Variants in GRIK3 observed in about 807,000 individuals in gnomAD.
The protein encoded by GRIK3 is glutamate receptor ionotropic, kainate 3.
Under a neutral mutation model 102.5 loss-of-function variants are expected in GRIK3, and 29 were observed. The ratio of observed to expected loss-of-function variants is 0.28; its 90% CI spans 0.21 to 0.39. GRIK3 has a LOEUF of 0.39. GRIK3 is among the 10% of genes least tolerant of loss of function. The pLI, the probability that GRIK3 is intolerant of heterozygous loss-of-function variation, is 1.00. For synonymous variants in GRIK3, 511 were observed against 504.9 expected, an observed-to-expected ratio of 1.01 and a Z score of -0.16; for missense variants, 908 against 1,252.4, an observed-to-expected ratio of 0.73 and a Z score of 4.15.
chr1:36,868,909 G>A (rs894157435), intron 5 of GRIK3, among the ~76,000 whole-genome samples: 5 of 152,344 alleles, frequency 3.3e-5, no homozygotes, highest in Admixed American at 6.5e-5. Flanking sequence ...AATGAATATG[G>A]TTAGAGGCCT....
At chr1:36,912,551 T>C (rs999372397) in intron 1 of GRIK3, among the ~76,000 whole-genome samples, 2 of 152,032 alleles carry the variant, frequency 1.3e-5, no homozygotes, top group Non-Finnish European at 2.9e-5. Flanking sequence ...GCCTCCCAGA[T>C]AAACTATTTA....
At chr1:36,865,171 T>C (rs1640769378) in intron 5 of GRIK3, among the ~76,000 whole-genome samples, 1 of 152,222 alleles carries the variant, frequency 6.6e-6, no homozygotes, top group Admixed American at 6.5e-5. Flanking sequence ...TATTAATTTA[T>C]TATAATTCTT....
intron 1 of GRIK3, among the ~76,000 whole-genome samples, chr1:36,953,671 G>A (rs749773506): frequency 2.0e-5 from 3 of 151,922 alleles, no homozygotes; most frequent in South Asian, 2.1e-4. Context: ...GGAAGGAGTC[G>A]GTAGGGACCC....
intron 2 of GRIK3, among the ~76,000 whole-genome samples, chr1:36,885,942 T>C (rs1641032288): frequency 6.6e-6 from 1 of 152,170 alleles, no homozygotes; most frequent in Non-Finnish European, 1.5e-5. Context: ...ATTGTAGTTA[T>C]GGCAAAAATT....
chr1:37,000,382 C>A (rs2124029767), intron 1 of GRIK3, among the ~76,000 whole-genome samples: 1 of 152,272 alleles, frequency 6.6e-6, no homozygotes, highest in East Asian at 1.9e-4. Flanking sequence ...CTAATTAATT[C>A]AGTCTTTACA....
At chr1:36,870,267 C>T (rs1349667264) in intron 4 of GRIK3, among the ~76,000 whole-genome samples, 2 of 152,196 alleles carry the variant, frequency 1.3e-5, no homozygotes, top group South Asian at 2.1e-4. Flanking sequence ...CAGGCCTGAG[C>T]TGGGAGGTCT....
intron 1 of GRIK3, among the ~76,000 whole-genome samples, chr1:36,989,346 G>A (rs1215508288): frequency 2.0e-5 from 3 of 152,222 alleles, no homozygotes; most frequent in South Asian, 2.1e-4. Context: ...CCAGGCCCAG[G>A]AGCCCTCGCC....
At chr1:36,931,022 C>G (rs1641582714) in intron 1 of GRIK3, among the ~76,000 whole-genome samples, 1 of 152,188 alleles carries the variant, frequency 6.6e-6, no homozygotes, top group African/African-American at 2.4e-5. Context: ...CCATGTTCTT[C>G]TAGGTGCGGG....
intron 1 of GRIK3, among the ~76,000 whole-genome samples, chr1:36,987,342 C>A (rs1043409610): frequency 3.3e-5 from 5 of 151,896 alleles, no homozygotes; most frequent in African/African-American, 7.3e-5. Flanking sequence ...AGGCAGCAGA[C>A]CCTGAGGCAA....
chr1:36,848,221 A>G (rs905753144), intron 9 of GRIK3, among the ~76,000 whole-genome samples: 1 of 152,182 alleles, frequency 6.6e-6, no homozygotes, highest in Non-Finnish European at 1.5e-5. Flanking sequence ...TGATCTTTCA[A>G]GGTGCTTATA....
At chr1:36,834,656 T>C (rs906818258) in intron 10 of GRIK3, among the ~76,000 whole-genome samples, 2 of 152,130 alleles carry the variant, frequency 1.3e-5, no homozygotes, top group Admixed American at 6.5e-5. Context: ...TGCCTATTTC[T>C]TAGGAAGGCT....
chr1:37,005,185 C>T (rs557322077), intron 1 of GRIK3, among the ~76,000 whole-genome samples: 2 of 152,308 alleles, frequency 1.3e-5, no homozygotes, highest in South Asian at 2.1e-4. Context: ...CCCTGATGGC[C>T]CTGCTTGCCT....
At chr1:36,937,536 C>T (rs1015250149) in intron 1 of GRIK3, among the ~76,000 whole-genome samples, 23 of 152,174 alleles carry the variant, frequency 1.5e-4, no homozygotes, top group African/African-American at 3.1e-4. Context: ...ACAGAAATTT[C>T]GGTGGAGAGA....
At chr1:36,921,505 G>T (rs1328798097) in intron 1 of GRIK3, among the ~76,000 whole-genome samples, 1 of 152,194 alleles carries the variant, frequency 6.6e-6, no homozygotes, top group African/African-American at 2.4e-5. Flanking sequence ...ATGAGGATCG[G>T]GTGAGATGCT....
intron 9 of GRIK3, chr1:36,849,816 G>C (rs564763703): frequency 6.4e-6 from 1 of 156,072 alleles, no homozygotes; most frequent in African/African-American, 2.4e-5. Context: ...GAGAAGATGG[G>C]GTGTGATTCC....
At chr1:36,988,505 G>A (rs1642330088) in intron 1 of GRIK3, among the ~76,000 whole-genome samples, 1 of 152,204 alleles carries the variant, frequency 6.6e-6, no homozygotes, top group Admixed American at 6.5e-5. Flanking sequence ...GTGGCCGCCG[G>A]CCAGATGGGC....
chr1:36,983,768 A>G (rs543154681), intron 1 of GRIK3, among the ~76,000 whole-genome samples: 1 of 152,252 alleles, frequency 6.6e-6, no homozygotes, highest in East Asian at 1.9e-4. Context: ...GAGTGCCTCT[A>G]GGATTTTCTT....
At chr1:36,925,650 G>A (rs1298280367) in intron 1 of GRIK3, among the ~76,000 whole-genome samples, 1 of 152,240 alleles carries the variant, frequency 6.6e-6, no homozygotes, top group Non-Finnish European at 1.5e-5. Flanking sequence ...AGCCAGTGTG[G>A]CCACTGCCAC....
At chr1:36,871,430 C>T (rs915236825) in intron 4 of GRIK3, among the ~76,000 whole-genome samples, 3 of 152,252 alleles carry the variant, frequency 2.0e-5, no homozygotes, top group African/African-American at 7.2e-5. Context: ...CAAAGCCCCA[C>T]AGAATGCCTC....
Sources: allele counts gnomAD v4.1 joint callset (sites outside exome capture counted in the v4.1 genomes callset), GRCh38; gene constraint gnomAD v4.1.1; transcripts MANE v1.5; gene names NCBI Gene and HGNC (gene_info 2026-07-23, HGNC 2026-07-21).